NWD2: variants seen among roughly 807,000 people sequenced by gnomAD.
NWD2 encodes NACHT and WD repeat domain-containing protein 2.
NWD2 carries 37 observed loss-of-function variants against 132.7 expected under a neutral mutation model. That is an observed-to-expected ratio of 0.28 (90% CI 0.21 to 0.37). The LOEUF (loss-of-function observed/expected upper bound fraction) is 0.37, where lower values mean the gene tolerates loss of function less well. Ranked by LOEUF, NWD2 falls within the 10% of genes least tolerant of loss-of-function variation. NWD2 has a pLI of 1.00. For synonymous variants in NWD2, 705 were observed against 803.0 expected (o/e 0.88, Z 2.06); for missense variants, 1,592 against 2,122.4 (o/e 0.75, Z 4.91).
intron 6 of NWD2, among the ~76,000 whole-genome samples, chr4:37,440,003 T>C (rs768196166): frequency 6.6e-6 from 1 of 152,212 alleles, no homozygotes; most frequent in Non-Finnish European, 1.5e-5. Flanking sequence ...AGTGCTGTTC[T>C]GAACTGGACT....
At chr4:37,408,250 C>CA (rs397941622) in intron 3 of NWD2, among the ~76,000 whole-genome samples, 1 of 152,088 alleles carries the variant, frequency 6.6e-6, no homozygotes, top group Non-Finnish European at 1.5e-5. Context: ...GTCCCACCCC[C>CA]ACGGAGCCCA....
intron 3 of NWD2, among the ~76,000 whole-genome samples, chr4:37,404,102 T>C (rs1720948677): frequency 6.6e-6 from 1 of 152,172 alleles, no homozygotes. Flanking sequence ...ATCCCAGTCA[T>C]GCTATAGAGA....
intron 2 of NWD2, 142 bp from the exon 3 acceptor site, chr4:37,356,224 C>G: frequency 2.1e-6 from 1 of 476,406 alleles, no homozygotes; most frequent in Non-Finnish European, 3.7e-6. Flanking sequence ...AAAAATCTCT[C>G]TAAATGGATC....
intron 3 of NWD2, among the ~76,000 whole-genome samples, chr4:37,360,777 A>G (rs1449526213): frequency 6.6e-6 from 1 of 152,202 alleles, no homozygotes; most frequent in African/African-American, 2.4e-5. Context: ...TAATTCTCTC[A>G]TTATCTCATC....
chr4:37,327,797 A>T (rs1719203667), intron 2 of NWD2, among the ~76,000 whole-genome samples: 3 of 152,216 alleles, frequency 2.0e-5, no homozygotes, highest in African/African-American at 7.2e-5. Context: ...TCAACTCAAC[A>T]AAAGGTATGA....
intron 1 of NWD2, among the ~76,000 whole-genome samples, chr4:37,260,920 T>C (rs897117817): frequency 6.6e-6 from 1 of 152,202 alleles, no homozygotes; most frequent in Non-Finnish European, 1.5e-5. Context: ...TAGTAGAGGT[T>C]GAAAATTCAG....
chr4:37,433,958 T>G lies in NWD2; in HGVS notation c.644T>G (p.Val215Gly), dbSNP rs1712246695. 6.4e-7 allele frequency: 1 copy of G among 1,550,860 alleles called. No individual in the cohort carries two copies. The highest frequency in any genetic ancestry group is 8.7e-7 in the Non-Finnish European group (1 of 1,146,414). ...ATCAAGAAGATATTTAAGGCTGCTG[T>G]AAAGCTGTTACACGAAAAGGGTAAA... ...DEIKKIFKAA[V>G]KLLHEKGKMK... is the part of the protein sequence containing the mutation. The change falls in exon 5 of 7, where the codon GTA (valine) becomes GGA (glycine). Residue 215 changes from valine to glycine, a missense_variant. Val to Gly is a moderately radical substitution (Grantham distance 109). Coordinates refer to ENST00000309447, the MANE Select transcript of NWD2 (RefSeq NM_001144990.2).
chr4:37,430,216 C>A (rs1019289314), intron 3 of NWD2, among the ~76,000 whole-genome samples: 1 of 152,166 alleles, frequency 6.6e-6, no homozygotes, highest in Non-Finnish European at 1.5e-5. Flanking sequence ...ACATGTTTGA[C>A]ATTTTTAAGG....
intron 1 of NWD2, among the ~76,000 whole-genome samples, chr4:37,296,540 G>T (rs995780333): frequency 7.2e-5 from 11 of 152,136 alleles, no homozygotes; most frequent in African/African-American, 2.7e-4. Context: ...GTCTTTTGCA[G>T]CAACTTGGAT....
At chr4:37,290,501 T>A (rs982817524) in intron 1 of NWD2, among the ~76,000 whole-genome samples, 2 of 152,164 alleles carry the variant, frequency 1.3e-5, no homozygotes, top group Admixed American at 1.3e-4. Flanking sequence ...TGAGCAGATA[T>A]AACTTAGTCC....
chr4:37,321,031 C>T (rs1577667196), intron 1 of NWD2, among the ~76,000 whole-genome samples: 1 of 152,040 alleles, frequency 6.6e-6, no homozygotes, highest in South Asian at 2.1e-4. Context: ...GTGGCACACA[C>T]CTGTAATCCC....
chr4:37,249,627 T>C (rs1268576466), intron 1 of NWD2, among the ~76,000 whole-genome samples: 1 of 152,136 alleles, frequency 6.6e-6, no homozygotes, highest in Non-Finnish European at 1.5e-5. Flanking sequence ...CCCTAAGGAG[T>C]AACTGACAGC....
intron 1 of NWD2, among the ~76,000 whole-genome samples, chr4:37,300,007 C>T (rs1185500034): frequency 6.6e-6 from 1 of 152,068 alleles, no homozygotes; most frequent in Non-Finnish European, 1.5e-5. Flanking sequence ...ACATCGTGTC[C>T]TTTTCAAGCC....
chr4:37,440,213 T>A (rs1712444920), intron 6 of NWD2, among the ~76,000 whole-genome samples: 1 of 152,188 alleles, frequency 6.6e-6, no homozygotes, highest in African/African-American at 2.4e-5. Context: ...CATCCAGCAA[T>A]GTGCTTCCAG....
chr4:37,321,213 G>T (rs1172340948), intron 1 of NWD2, among the ~76,000 whole-genome samples: 1 of 152,116 alleles, frequency 6.6e-6, no homozygotes, highest in Non-Finnish European at 1.5e-5. Flanking sequence ...GTTGAAGATA[G>T]AGCTGTATGA....
chr4:37,418,721 G>A (rs1365051338), intron 3 of NWD2, among the ~76,000 whole-genome samples: 1 of 151,788 alleles, frequency 6.6e-6, no homozygotes, highest in African/African-American at 2.4e-5. Context: ...TCTGGTTCTA[G>A]ATCCTTGAGG....
At chr4:37,352,250 G>A (rs1172804539) in intron 2 of NWD2, among the ~76,000 whole-genome samples, 3 of 152,062 alleles carry the variant, frequency 2.0e-5, no homozygotes, top group Non-Finnish European at 4.4e-5. Context: ...TTTCTGTCTT[G>A]TTCATCTGTC....
At chr4:37,396,500 AG>A (rs1309836279) in intron 3 of NWD2, among the ~76,000 whole-genome samples, 1 of 152,228 alleles carries the variant, frequency 6.6e-6, no homozygotes, top group Non-Finnish European at 1.5e-5. Flanking sequence ...ATTCTTTACA[AG>A]GGAAGCAGGA....
At chr4:37,376,505 A>G (rs1360455400) in intron 3 of NWD2, among the ~76,000 whole-genome samples, 1 of 152,202 alleles carries the variant, frequency 6.6e-6, no homozygotes, top group Non-Finnish European at 1.5e-5. Context: ...CTAGAGCAAG[A>G]TGAATGCTTC....
Sources: gnomAD v4.1 joint callset for allele counts (sites outside exome capture counted in the v4.1 genomes callset) on GRCh38, gnomAD v4.1.1 for gene constraint, MANE v1.5 for transcripts, NCBI Gene and HGNC (gene_info 2026-07-23, HGNC 2026-07-21) for gene names.